The following SHROOM2 variants were observed in gnomAD, a reference collection of about 807,000 sequenced individuals.
The protein encoded by SHROOM2 is shroom family member 2.
A neutral mutation model predicts 75.9 loss-of-function variants in SHROOM2; 33 were observed. The observed-to-expected ratio is 0.43, with a 90% CI of 0.33 to 0.58. The LOEUF (loss-of-function observed/expected upper bound fraction) is 0.58, where lower values mean the gene tolerates loss of function less well. Ranked by LOEUF, SHROOM2 falls within the 20% of genes least tolerant of loss-of-function variation. SHROOM2 has a pLI of 0.04. For missense variants in SHROOM2, 1,434 were observed against 1,461.2 expected (o/e 0.98, Z 0.30); for synonymous variants, 655 against 663.6 (o/e 0.99, Z 0.20).
intron 1 of SHROOM2, among the ~76,000 whole-genome samples, chrX:9,835,281 CA>C (rs1190671175): frequency 1.8e-5 from 2 of 112,131 alleles, no homozygotes; most frequent in Admixed American, 9.5e-5. Context: ...TATGCACGGA[CA>C]GATGTGTATG....
chrX:9,893,359 C>T (rs1010308224), intron 3 of SHROOM2, among the ~76,000 whole-genome samples: 10 of 111,868 alleles, frequency 8.9e-5, no homozygotes, highest in Admixed American at 6.7e-4. Context: ...GATCCTCCAG[C>T]CTCAAGTGAT....
At chrX:9,868,727 CTTTTTTTTTTTTT>C (rs56343437) in intron 1 of SHROOM2, among the ~76,000 whole-genome samples, 14 of 28,716 alleles carry the variant, frequency 4.9e-4, no homozygotes, top group Non-Finnish European at 6.1e-4. Context: ...ATTTTTTACC[CTTTTTTTTTTTTT>C]TTTTTTTTTT....
intron 5 of SHROOM2, among the ~76,000 whole-genome samples, chrX:9,930,168 G>A (rs2084634208): frequency 9.0e-6 from 1 of 111,135 alleles, no homozygotes; most frequent in Non-Finnish European, 1.9e-5. Flanking sequence ...GTTTTCAAAG[G>A]GAAAAAAAGT....
intron 6 of SHROOM2, among the ~76,000 whole-genome samples, chrX:9,935,355 A>G (rs1368271370): frequency 2.9e-5 from 3 of 104,137 alleles, no homozygotes; most frequent in Non-Finnish European, 5.8e-5. Flanking sequence ...TTATGTTTTT[A>G]ACAGAGAGGT....
chrX:9,899,423 G>T (rs1162983049), intron 5 of SHROOM2, among the ~76,000 whole-genome samples: 2 of 111,377 alleles, frequency 1.8e-5, no homozygotes, highest in Admixed American at 1.9e-4. Flanking sequence ...TTTTTCTGTC[G>T]CCTTGAGAAT....
At chrX:9,930,222 G>A (rs1245919564) in intron 5 of SHROOM2, among the ~76,000 whole-genome samples, 1 of 111,544 alleles carries the variant, frequency 9.0e-6, no homozygotes, top group African/African-American at 3.3e-5. Flanking sequence ...ATTATTGAAC[G>A]CTGAAATATT....
At position 9,937,526 on chromosome X, in the gene SHROOM2, A is replaced by G; in HGVS notation, c.3980A>G (p.Asp1327Gly). Residue 1327 changes from aspartate (D) to glycine (G), a missense_variant, in exon 7 of 10, where the codon GAT becomes GGT. Physicochemically the swap from Asp to Gly is moderately conservative, Grantham distance 94. Transcript: ENST00000380913. ...EELAREIVGK[D>G]KSLADILDPS... ...CTGGCCAGGGAGATCGTGGGGAAGGATAAGTCCCTGGCCGACATCCTGGAT... is the reference window on the plus strand; with the variant it reads ...CTGGCCAGGGAGATCGTGGGGAAGGGTAAGTCCCTGGCCGACATCCTGGAT... The G allele has an allele frequency of 2.5e-6, 3 of 1,211,918 alleles. No homozygotes were observed. The highest frequency in any genetic ancestry group is 2.3e-4 in the Middle Eastern group (1 of 4,354).
intron 1 of SHROOM2, among the ~76,000 whole-genome samples, chrX:9,794,842 C>T (rs2083686309): frequency 8.9e-6 from 1 of 111,867 alleles, no homozygotes; most frequent in Non-Finnish European, 1.9e-5. Context: ...CTCAAACCCT[C>T]CCCAGTGATG....
intron 1 of SHROOM2, among the ~76,000 whole-genome samples, chrX:9,833,563 G>A: frequency 9.1e-6 from 1 of 109,924 alleles, no homozygotes; most frequent in East Asian, 2.9e-4. Context: ...AGGACATTGA[G>A]CGCTGAAGGA....
At chrX:9,821,716 A>G (rs1250724999) in intron 1 of SHROOM2, among the ~76,000 whole-genome samples, 1 of 112,123 alleles carries the variant, frequency 8.9e-6, no homozygotes, top group Non-Finnish European at 1.9e-5. Flanking sequence ...AAATATCTTG[A>G]ATATGCAAAT....
At position 9,925,176 on chromosome X, in the gene SHROOM2, C is replaced by T. The variant is rs377101045; in HGVS notation, c.2892-6999C>T. ...CAAAAGAGCTTTCCACCTGTGCCTCCCCAAGGGTGTGTGTCTGTAAGAGCT... is the reference window on the plus strand; with the variant it reads ...CAAAAGAGCTTTCCACCTGTGCCTCTCCAAGGGTGTGTGTCTGTAAGAGCT... On this transcript the variant is annotated intron_variant, in intron 5 of 9. Transcript: ENST00000380913. Among the ~76,000 whole-genome samples the T allele has an allele frequency of 8.9e-5, 10 of 111,902 alleles. No homozygotes were observed. In the South Asian group the frequency reaches 3.8e-3, roughly 42 times the overall value.
At chrX:9,941,963 C>CTCCG (rs199671105) in intron 8 of SHROOM2, among the ~76,000 whole-genome samples, 2,656 of 79,034 alleles carry the variant, frequency 0.034, 109 homozygotes, top group African/African-American at 0.13. Flanking sequence ...AGAGCAGAGA[C>CTCCG]TCCGTCTCAA....
intron 1 of SHROOM2, among the ~76,000 whole-genome samples, chrX:9,839,596 T>C (rs1295935579): frequency 9.0e-6 from 1 of 111,460 alleles, no homozygotes; most frequent in Admixed American, 9.6e-5. Context: ...TCTGGACTTG[T>C]ATGTAGATGG....
chrX:9,883,262 C>T (rs2084241939), intron 2 of SHROOM2, among the ~76,000 whole-genome samples: 2 of 112,040 alleles, frequency 1.8e-5, no homozygotes, highest in African/African-American at 6.5e-5. Context: ...GACAGGCCAG[C>T]GGAGCGATCC....
chrX:9,903,933 C>G, intron 5 of SHROOM2, among the ~76,000 whole-genome samples: 1 of 110,741 alleles, frequency 9.0e-6, no homozygotes, highest in Non-Finnish European at 1.9e-5. Flanking sequence ...AGACAGGCGG[C>G]CACCCGTTTG....
intron 7 of SHROOM2, 117 bp from the exon 8 acceptor site, chrX:9,939,078 C>A: frequency 1.7e-6 from 1 of 582,495 alleles, no homozygotes. Context: ...TCTCATCTCC[C>A]TGGCTGGTGT....
intron 5 of SHROOM2, among the ~76,000 whole-genome samples, chrX:9,903,250 T>G (rs2084374058): frequency 8.9e-6 from 1 of 112,425 alleles, no homozygotes; most frequent in South Asian, 3.7e-4. Context: ...TTCCCTGGCC[T>G]TCAATTAGCT....
intron 1 of SHROOM2, among the ~76,000 whole-genome samples, chrX:9,798,348 T>G (rs1387330418): frequency 8.9e-6 from 1 of 112,460 alleles, no homozygotes; most frequent in African/African-American, 3.2e-5. Context: ...TTTGCAAATT[T>G]GTAAACATGG....
chrX:9,878,661 G>A (rs1325409968), intron 2 of SHROOM2, among the ~76,000 whole-genome samples: 1 of 111,671 alleles, frequency 9.0e-6, no homozygotes, highest in Non-Finnish European at 1.9e-5. Flanking sequence ...CAGATGTTCC[G>A]GGAGCTGCTA....
Sources: allele counts gnomAD v4.1 joint callset (sites outside exome capture counted in the v4.1 genomes callset), GRCh38; gene constraint gnomAD v4.1.1; transcripts MANE v1.5; gene names NCBI Gene and HGNC (gene_info 2026-07-23, HGNC 2026-07-21).